MYCT1: variants seen among roughly 807,000 people sequenced by gnomAD.
The protein encoded by MYCT1 is myc target protein 1.
MYCT1 carries 12 observed loss-of-function variants against 15.0 expected under a neutral mutation model. That is an observed-to-expected ratio of 0.80 (90% CI 0.51 to 1.29). The LOEUF is 1.29. MYCT1 is among the 50% of genes most tolerant of loss of function. The probability of loss-of-function intolerance (pLI) is 0.00; values close to 1 mark genes in which losing one functional copy is unlikely to be tolerated. For synonymous variants in MYCT1, 104 were observed against 102.7 expected (o/e 1.01, Z -0.07); for missense variants, 287 against 279.1 (o/e 1.03, Z -0.20).
chr6:152,733,386 A>T, the MYCT1 span, among the ~76,000 whole-genome samples: 1 of 151,924 alleles, frequency 6.6e-6, no homozygotes, highest in Non-Finnish European at 1.5e-5. Context: ...TACAGGCATA[A>T]GCCACCATGC....
chr6:152,705,716 A>G (rs921999326), intron 1 of MYCT1: 4 of 216,674 alleles, frequency 1.8e-5, no homozygotes, highest in Non-Finnish European at 3.7e-5. Context: ...ATTTATTATT[A>G]TTATTATAAA....
chr6:152,698,876 A>T lies in MYCT1; in HGVS notation c.196+778A>T, dbSNP rs566531495. 2.5e-4 allele frequency among the ~76,000 whole-genome samples: 38 copies of T among 152,272 alleles called. 1 individual carries two copies. In the South Asian group the frequency reaches 7.7e-3, roughly 31 times the overall value. ...AGTGTTCCCTGATGTTGACAATGGG[A>T]CTGTGCTGAGGTCAAAACTCAGTTG... On this transcript the variant is annotated intron_variant, in intron 1 of 1. Transcript: ENST00000367245.
rs1248829821 is a variant in MYCT1 at position 152,723,633 on chromosome 6, G to A, written c.*1380G>A. The A allele has an allele frequency of 1.3e-5, 2 of 152,200 alleles. No individual in the cohort carries two copies. The highest frequency in any genetic ancestry group is 2.9e-5 in the Non-Finnish European group (2 of 68,044). 9.4% of individuals were successfully genotyped at this position (152,200 alleles called of 1,614,324 possible). On this transcript the variant is annotated 3_prime_UTR_variant, in exon 2 of 2. Coordinates refer to ENST00000367245, the MANE Select transcript of MYCT1 (RefSeq NM_025107.3). Reference sequence around the variant, plus strand: ...AGAGTCTGTACAGTGATTAAGCCATGCCAGATGGTCTTTGGTGCACACAGT... The same window carrying A: ...AGAGTCTGTACAGTGATTAAGCCATACCAGATGGTCTTTGGTGCACACAGT...
intron 1 of MYCT1, among the ~76,000 whole-genome samples, chr6:152,701,246 A>T (rs1565389092): frequency 6.6e-6 from 1 of 152,190 alleles, no homozygotes; most frequent in Non-Finnish European, 1.5e-5. Context: ...TTCGCTGACC[A>T]TATTAGGCAA....
At position 152,723,683 on chromosome 6, in the gene MYCT1, T is replaced by C. The variant is rs1038218587; in HGVS notation, c.*1430T>C. 1 of 152,366 alleles carries C rather than the reference T, an allele frequency of 6.6e-6. No individual in the cohort carries two copies. Among genetic ancestry groups the C allele is most frequent in the African/African-American group, 2.4e-5 (1 of 41,566 alleles). 9.4% of individuals were successfully genotyped at this position (152,366 alleles called of 1,614,324 possible). A position where few individuals can be genotyped will look rare whatever the true frequency, so the allele number is the denominator to read the frequency against. On this transcript the variant is annotated 3_prime_UTR_variant, in exon 2 of 2. Coordinates refer to ENST00000367245, the MANE Select transcript of MYCT1 (RefSeq NM_025107.3). ...TTATTTAAGAATCCACTTCCACAGGTGGCTGCCCTTGTAAGGAAGAATGCA... is the reference window on the plus strand; with the variant it reads ...TTATTTAAGAATCCACTTCCACAGGCGGCTGCCCTTGTAAGGAAGAATGCA...
chr6:152,718,313 A>G (rs983590091), intron 1 of MYCT1, among the ~76,000 whole-genome samples: 2 of 152,238 alleles, frequency 1.3e-5, no homozygotes, highest in Non-Finnish European at 2.9e-5. Flanking sequence ...CAGAACAATA[A>G]TGTATTTTGG....
the MYCT1 span, among the ~76,000 whole-genome samples, chr6:152,743,834 G>A: frequency 6.6e-6 from 1 of 152,206 alleles, no homozygotes. Context: ...AGTCAGAAAT[G>A]AGAACATTAG....
intron 1 of MYCT1, among the ~76,000 whole-genome samples, chr6:152,713,137 A>G (rs1019473671): frequency 1.3e-5 from 2 of 151,938 alleles, no homozygotes; most frequent in African/African-American, 2.4e-5. Flanking sequence ...TTCTATTAAT[A>G]CACCTTTAAG....
chr6:152,707,100 C>T (rs2099722417), intron 1 of MYCT1, among the ~76,000 whole-genome samples: 1 of 152,084 alleles, frequency 6.6e-6, no homozygotes, highest in East Asian at 1.9e-4. Context: ...TCCACAATGG[C>T]TGCATCAATT....
intron 1 of MYCT1, among the ~76,000 whole-genome samples, chr6:152,719,157 G>A (rs2099724250): frequency 6.6e-6 from 1 of 152,128 alleles, no homozygotes; most frequent in Non-Finnish European, 1.5e-5. Flanking sequence ...GTCCATAGCT[G>A]AGCTTGTTGA....
chr6:152,707,046 A>T (rs893956793), intron 1 of MYCT1, among the ~76,000 whole-genome samples: 3 of 152,024 alleles, frequency 2.0e-5, no homozygotes, highest in African/African-American at 7.2e-5. Context: ...GCTGAATTCT[A>T]TGGTAGTTCT....
chr6:152,707,780 A>G (rs1480993853), intron 1 of MYCT1, among the ~76,000 whole-genome samples: 3 of 152,044 alleles, frequency 2.0e-5, no homozygotes, highest in Admixed American at 6.6e-5. Context: ...CATTTTTGAT[A>G]CTGTTGTCAA....
Position 152,721,770 on chromosome 6 carries a change from C to T in MYCT1, c.225C>T (p.Ser75=). ...ACCTTATCATGTCCTTCACTGTATC[C>T]ATGGCAATCGGGCTGGTACTTGGAG... ...WEDLIMSFTV[S]MAIGLVLGGF... is the part of the protein sequence containing the mutation. Residue 75 remains serine (S), a synonymous_variant, in exon 2 of 2, where the codon TCC becomes TCT. Coordinates refer to ENST00000367245, the MANE Select transcript of MYCT1 (RefSeq NM_025107.3). 2 of 1,613,970 alleles carry T rather than the reference C, an allele frequency of 1.2e-6. No individual in the cohort carries two copies. Among genetic ancestry groups the T allele is most frequent in the Non-Finnish European group, 1.7e-6 (2 of 1,179,980 alleles).
At chr6:152,730,213 C>CTAACT in the MYCT1 span, among the ~76,000 whole-genome samples, 1 of 152,204 alleles carries the variant, frequency 6.6e-6, no homozygotes, top group Non-Finnish European at 1.5e-5. Context: ...TCACATTTAT[C>CTAACT]TAACTGTATG....
downstream of MYCT1, among the ~76,000 whole-genome samples, chr6:152,728,901 G>A (rs144869002): frequency 1.7e-3 from 254 of 152,216 alleles, 2 homozygotes; most frequent in African/African-American, 5.8e-3. Context: ...GTGAGACCCT[G>A]TCTCAAATAA....
chr6:152,708,126 A>G (rs1269506390), intron 1 of MYCT1, among the ~76,000 whole-genome samples: 1 of 151,876 alleles, frequency 6.6e-6, no homozygotes, highest in Non-Finnish European at 1.5e-5. Flanking sequence ...CAAATATAGT[A>G]TATCTCTCCA....
At chr6:152,746,135 C>A in the MYCT1 span, among the ~76,000 whole-genome samples, 4 of 152,308 alleles carry the variant, frequency 2.6e-5, no homozygotes, top group East Asian at 7.7e-4. Flanking sequence ...ATCTAGACTG[C>A]AGCTTTCTTA....
chr6:152,701,574 AT>A (rs2099721324), intron 1 of MYCT1, among the ~76,000 whole-genome samples: 1 of 151,972 alleles, frequency 6.6e-6, no homozygotes, highest in Non-Finnish European at 1.5e-5. Flanking sequence ...GGGTGTGTGG[AT>A]GGGTGGAGGG....
the MYCT1 span, among the ~76,000 whole-genome samples, chr6:152,745,360 G>A: frequency 1.3e-5 from 2 of 152,130 alleles, no homozygotes; most frequent in Middle Eastern, 3.2e-3. Context: ...CGGCATGGGA[G>A]GCTGAAGCAG....
Sources: allele counts gnomAD v4.1 joint callset (sites outside exome capture counted in the v4.1 genomes callset), GRCh38; gene constraint gnomAD v4.1.1; transcripts MANE v1.5; gene names NCBI Gene and HGNC (gene_info 2026-07-23, HGNC 2026-07-21).